The following DCC variants were observed in gnomAD, a reference collection of about 807,000 sequenced individuals.
The protein encoded by DCC is netrin receptor DCC.
Under a neutral mutation model 172.5 loss-of-function variants are expected in DCC, and 58 were observed. The ratio of observed to expected loss-of-function variants is 0.34; its 90% CI spans 0.27 to 0.42. The LOEUF (loss-of-function observed/expected upper bound fraction) is 0.42. DCC is among the 10% of genes least tolerant of loss of function. The pLI, the probability that DCC is intolerant of heterozygous loss-of-function variation, is 1.00. For synonymous variants in DCC, 709 were observed against 644.5 expected, an observed-to-expected ratio of 1.10 and a Z score of -1.52; for missense variants, 1,740 against 1,791.0, an observed-to-expected ratio of 0.97 and a Z score of 0.51.
chr18:52,793,026 T>G (rs1568107304), intron 2 of DCC, among the ~76,000 whole-genome samples: 1 of 152,122 alleles, frequency 6.6e-6, no homozygotes, highest in Non-Finnish European at 1.5e-5. Flanking sequence ...AGAGAGGAGC[T>G]CTTGTGTGTG....
intron 7 of DCC, among the ~76,000 whole-genome samples, chr18:53,082,906 C>A (rs574457775): frequency 4.6e-5 from 7 of 152,136 alleles, no homozygotes; most frequent in Non-Finnish European, 8.8e-5. Context: ...GTTTGTGCCT[C>A]CTTTTGTGGA....
At chr18:53,131,733 GGAATAGATTCTGA>G (rs1367810545) in intron 7 of DCC, among the ~76,000 whole-genome samples, 2 of 152,026 alleles carry the variant, frequency 1.3e-5, no homozygotes, top group African/African-American at 2.4e-5. Context: ...ATGACATAAG[GGAATAGATTCTGA>G]GTGCCAACCA....
At chr18:53,453,162 G>A (rs773300236) in intron 23 of DCC, among the ~76,000 whole-genome samples, 12 of 152,080 alleles carry the variant, frequency 7.9e-5, no homozygotes, top group South Asian at 2.1e-4. Flanking sequence ...TGATCTGCCC[G>A]CCTCAGCCTC....
chr18:52,855,767 T>C (rs895770213), intron 2 of DCC, among the ~76,000 whole-genome samples: 2 of 141,942 alleles, frequency 1.4e-5, no homozygotes, highest in African/African-American at 2.9e-5. Flanking sequence ...TAAATTCTTT[T>C]TTTTTTTTTT....
intron 7 of DCC, among the ~76,000 whole-genome samples, chr18:53,095,709 T>A (rs2043075987): frequency 6.6e-6 from 1 of 151,952 alleles, no homozygotes; most frequent in Non-Finnish European, 1.5e-5. Context: ...CTCCTCATTT[T>A]AAAAATCCTT....
rs1240904949 is a variant in DCC at position 52,610,177 on chromosome 18, AAATATATATATATATATATATAT to A, written c.92-141875_92-141853del. Among the ~76,000 whole-genome samples the A allele has an allele frequency of 2.7e-3, 51 of 19,022 alleles. 3 individuals are homozygous for A. The highest frequency in any genetic ancestry group is 7.8e-3 in the African/African-American group (37 of 4,754). 12.5% of individuals were successfully genotyped at this position (19,022 alleles called of 152,430 possible). A position where few individuals can be genotyped will look rare whatever the true frequency, so the allele number is the denominator to read the frequency against. Reference sequence around the variant, plus strand: ...AAAAAAAAAAAAAAAAAAAAAAAAAAAATATATATATATATATATATATATATATATATATATATATATATATA... The same window carrying A: ...AAAAAAAAAAAAAAAAAAAAAAAAAAATATATATATATATATATATATATA... On this transcript the variant is annotated intron_variant, in intron 1 of 28. Transcript: ENST00000442544.
chr18:53,179,224 T>G (rs760573966), intron 9 of DCC, 108 bp downstream of exon 9: 3 of 1,103,170 alleles, frequency 2.7e-6, no homozygotes, highest in African/African-American at 1.6e-5. Flanking sequence ...CGAAGAAGAG[T>G]TTTTTTTCTT....
chr18:53,064,927 T>C (rs2042545518), intron 6 of DCC, among the ~76,000 whole-genome samples: 1 of 152,150 alleles, frequency 6.6e-6, no homozygotes, highest in Admixed American at 6.6e-5. Flanking sequence ...GCAACATTTA[T>C]TTTTTTCTAC....
At chr18:53,132,091 G>A (rs529053582) in intron 7 of DCC, among the ~76,000 whole-genome samples, 4 of 149,180 alleles carry the variant, frequency 2.7e-5, no homozygotes, top group East Asian at 2.0e-4. Context: ...GTGTCTTCTC[G>A]CTTTATTTAT....
intron 1 of DCC, among the ~76,000 whole-genome samples, chr18:52,748,466 C>T (rs1195955635): frequency 1.3e-5 from 2 of 152,226 alleles, no homozygotes; most frequent in African/African-American, 2.4e-5. Context: ...CCATATGCAG[C>T]ACAGTGAACG....
chr18:52,838,031 A>G (rs769588849), intron 2 of DCC, among the ~76,000 whole-genome samples: 4 of 152,178 alleles, frequency 2.6e-5, no homozygotes, highest in African/African-American at 9.6e-5. Flanking sequence ...TATCACGAGA[A>G]CAGGGTGGGG....
chr18:52,705,875 C>T (rs777595038), intron 1 of DCC, among the ~76,000 whole-genome samples: 37 of 152,126 alleles, frequency 2.4e-4, no homozygotes, highest in Non-Finnish European at 4.6e-4. Flanking sequence ...ATCTGTCATA[C>T]GATTTGATGC....
chr18:53,025,876 T>C lies in DCC; in HGVS notation c.986-37429T>C, dbSNP rs148417947. ...GGGTATTAAACTATAAAATAGGTCTTGGTGGAATAAATTAAAATGTGGTGT... is the reference window on the plus strand; with the variant it reads ...GGGTATTAAACTATAAAATAGGTCTCGGTGGAATAAATTAAAATGTGGTGT... On this transcript the variant is annotated intron_variant, in intron 5 of 28. Coordinates refer to ENST00000442544, the MANE Select transcript of DCC (RefSeq NM_005215.4). 8.9e-4 allele frequency among the ~76,000 whole-genome samples: 135 copies of C among 150,998 alleles called. 4 individuals are homozygous for C. The East Asian group carries it at 0.026, about 29-fold the overall frequency.
At chr18:53,337,771 T>C (rs183624633) in intron 14 of DCC, among the ~76,000 whole-genome samples, 1 of 152,354 alleles carries the variant, frequency 6.6e-6, no homozygotes, top group East Asian at 1.9e-4. Flanking sequence ...TGCTTCTATC[T>C]ATCACTTAAG....
At chr18:52,616,566 G>C (rs1357934189) in intron 1 of DCC, among the ~76,000 whole-genome samples, 2 of 151,850 alleles carry the variant, frequency 1.3e-5, no homozygotes, top group Non-Finnish European at 2.9e-5. Flanking sequence ...CATTTGAGAG[G>C]GGAAAAAAGA....
At chr18:52,715,562 C>T (rs550948618) in intron 1 of DCC, among the ~76,000 whole-genome samples, 1 of 152,258 alleles carries the variant, frequency 6.6e-6, no homozygotes, top group South Asian at 2.1e-4. Flanking sequence ...GCCTCAGCCT[C>T]CCAATATGCT....
rs190495223 is a variant in DCC at position 53,235,625 on chromosome 18, A to C, written c.1911+20028A>C. Among the ~76,000 whole-genome samples the C allele has an allele frequency of 1.4e-4, 21 of 152,292 alleles. No individual in the cohort carries two copies. In the East Asian group the frequency reaches 3.9e-3, roughly 28 times the overall value. ...CTTTTGTACATGTAGTAAAATATAC[A>C]TAACACAACATTTACCATTTCAACT... On this transcript the variant is annotated intron_variant, in intron 12 of 28. Transcript: ENST00000442544.
chr18:52,986,781 A>G (rs1197501297), intron 5 of DCC, among the ~76,000 whole-genome samples: 1 of 148,640 alleles, frequency 6.7e-6, no homozygotes, highest in Non-Finnish European at 1.5e-5. Context: ...ACACATACAT[A>G]TGCATATATA....
At chr18:53,403,728 C>T (rs868342724) in intron 19 of DCC, among the ~76,000 whole-genome samples, 1 of 151,884 alleles carries the variant, frequency 6.6e-6, no homozygotes, top group Non-Finnish European at 1.5e-5. Flanking sequence ...CATACAAGAG[C>T]TGGATAGCAC....
Sources: gnomAD v4.1 joint callset for allele counts (sites outside exome capture counted in the v4.1 genomes callset) on GRCh38, gnomAD v4.1.1 for gene constraint, MANE v1.5 for transcripts, NCBI Gene and HGNC (gene_info 2026-07-23, HGNC 2026-07-21) for gene names.